The following ZBED1 variants were observed in gnomAD, a reference collection of about 807,000 sequenced individuals.
ZBED1 encodes E3 SUMO-protein ligase ZBED1.
ZBED1 carries 19 observed loss-of-function variants against 49.7 expected under a neutral mutation model. The observed-to-expected ratio is 0.38, with a 90% CI of 0.27 to 0.56. The LOEUF is 0.56. ZBED1 is among the 20% of genes least tolerant of loss of function. ZBED1 has a pLI of 0.70. For synonymous variants in ZBED1, 439 were observed against 440.3 expected (o/e 1.00, Z 0.04); for missense variants, 806 against 972.6 (o/e 0.83, Z 2.28).
intron 1 of ZBED1, among the ~76,000 whole-genome samples, chrX:2,497,897 A>C (rs2045321509): frequency 6.6e-6 from 1 of 152,216 alleles, no homozygotes; most frequent in Non-Finnish European, 1.5e-5. Context: ...TTAGGATATT[A>C]AATGCACTGA....
intron 1 of ZBED1, among the ~76,000 whole-genome samples, chrX:2,499,302 G>T (rs1200938705): frequency 3.3e-5 from 5 of 152,096 alleles, no homozygotes; most frequent in Non-Finnish European, 7.4e-5. Flanking sequence ...TCTTAGGCTG[G>T]ACATTTAAGA....
chrX:2,491,071 T>G (rs1701746151), intron 1 of ZBED1, among the ~76,000 whole-genome samples: 1 of 120,836 alleles, frequency 8.3e-6, no homozygotes, highest in African/African-American at 3.1e-5. Flanking sequence ...CTTTAGTTTT[T>G]TTTTTTTTTT....
Position 2,489,026 on chromosome X carries a change from T to C in ZBED1, c.1694A>G (p.His565Arg). 1 of 1,613,204 alleles carries C rather than the reference T, an allele frequency of 6.2e-7. No individual in the cohort carries two copies. The change falls in exon 2 of 2, where the codon CAT (histidine) becomes CGT (arginine). Residue 565 changes from histidine (H) to arginine (R), a missense_variant. Transcript: ENST00000652001. ...GCTCAGCTCCTCCACCACCTGGGCA[T>C]GCCACTCTTCCTGGTCCTCCACGCC... ...TGGVEDQEEW[H>R]AQVVEELSNF... is the part of the protein sequence containing the mutation.
chrX:2,497,584 C>T (rs1029083816), intron 1 of ZBED1, among the ~76,000 whole-genome samples: 2 of 152,068 alleles, frequency 1.3e-5, no homozygotes, highest in African/African-American at 4.8e-5. Context: ...TTTGTAAATA[C>T]TCACTCCTGT....
At chrX:2,495,824 G>A (rs1303338287) in intron 1 of ZBED1, among the ~76,000 whole-genome samples, 2 of 152,066 alleles carry the variant, frequency 1.3e-5, no homozygotes, top group African/African-American at 2.4e-5. Flanking sequence ...GGGGGCCGGC[G>A]ATTTCACGTT....
intron 1 of ZBED1, among the ~76,000 whole-genome samples, chrX:2,491,163 G>A (rs1450897593): frequency 2.8e-5 from 4 of 144,176 alleles, no homozygotes; most frequent in Non-Finnish European, 6.0e-5. Context: ...TCCGCCTCCC[G>A]GGTTCAAGCG....
chrX:2,499,062 G>A (rs1246050704), intron 1 of ZBED1, among the ~76,000 whole-genome samples: 1 of 152,182 alleles, frequency 6.6e-6, no homozygotes, highest in Non-Finnish European at 1.5e-5. Context: ...GCGGGAGAGA[G>A]AGGCTCATTT....
At chrX:2,496,949 GT>G (rs749698372) in intron 1 of ZBED1, among the ~76,000 whole-genome samples, 136 of 150,978 alleles carry the variant, frequency 9.0e-4, no homozygotes, top group African/African-American at 3.2e-3. Context: ...TATGTAACAT[GT>G]AATTGGCCTG....
chrX:2,492,877 T>A lies in ZBED1; in HGVS notation c.-53-2105A>T, dbSNP rs773845063. ...AAGCCCTCCGGTTTCTGGTACTTTA[T>A]TAAAGCAAGGTATTCTGAAGGTTAA... On this transcript the variant is annotated intron_variant, in intron 1 of 1. Coordinates refer to ENST00000652001, the MANE Select transcript of ZBED1 (RefSeq NM_001171136.2). Among the ~76,000 whole-genome samples the A allele has an allele frequency of 4.6e-5, 7 of 152,372 alleles. No homozygotes were observed. In the East Asian group the frequency reaches 1.3e-3, roughly 29 times the overall value.
intron 1 of ZBED1, 23 bp from the exon 2 acceptor site, chrX:2,490,795 C>A: frequency 6.5e-7 from 1 of 1,550,094 alleles, no homozygotes. Flanking sequence ...AAGACAAACA[C>A]AGCATGAGAA....
At chrX:2,491,434 C>A (rs1182697343) in intron 1 of ZBED1, among the ~76,000 whole-genome samples, 1 of 152,128 alleles carries the variant, frequency 6.6e-6, no homozygotes, top group Admixed American at 6.6e-5. Flanking sequence ...AAGCACCTGC[C>A]ACGTGGGAAA....
rs2045067577 is a variant in ZBED1, at chrX:2,489,624, C to T, written c.1096G>A (p.Glu366Lys). 1.2e-6 allele frequency: 2 copies of T among 1,612,646 alleles called. No individual in the cohort carries two copies. The highest frequency in any genetic ancestry group is 3.3e-5 in the Admixed American group (2 of 60,002). Reference sequence around the variant, plus strand: ...ACCCCGGCGATGACGAACTGCTGCTCCTTGAGGCGCTGCAGCATGGCCAGC... The same window carrying T: ...ACCCCGGCGATGACGAACTGCTGCTTCTTGAGGCGCTGCAGCATGGCCAGC... Reference protein sequence around the residue: ...STLAMLQRLKEQQFVIAGVLV... With the variant: ...STLAMLQRLKKQQFVIAGVLV... The change falls in exon 2 of 2, where the codon GAG (glutamate) becomes AAG (lysine). Residue 366 changes from glutamate (E) to lysine (K), a missense_variant. Glu to Lys is a moderately conservative substitution (Grantham distance 56). Transcript: ENST00000652001.
chrX:2,486,624 T>C lies in ZBED1; in HGVS notation c.*2011A>G, dbSNP rs2044938982. The C allele has an allele frequency of 6.6e-6, 1 of 152,176 alleles. No homozygotes were observed. The highest frequency in any genetic ancestry group is 2.4e-5 in the African/African-American group (1 of 41,434). The allele number at this position is 152,176 out of a possible 1,614,324, so 9.4% of individuals were successfully genotyped here. On this transcript the variant is annotated 3_prime_UTR_variant, in exon 2 of 2. Transcript: ENST00000652001. ...AGAGAACGCTGGCAATGCTACAGAA[T>C]GGAGCCCACGGAGGCGTGGGCTGCC...
At chrX:2,495,510 G>A (rs2045260297) in intron 1 of ZBED1, among the ~76,000 whole-genome samples, 1 of 152,118 alleles carries the variant, frequency 6.6e-6, no homozygotes, top group Non-Finnish European at 1.5e-5. Context: ...CCTGGAAGGA[G>A]AAACAAGAAG....
rs1157262974 is a variant in ZBED1, at chrX:2,489,596, A to G, written c.1124T>C (p.Leu375Ser). Residue 375 changes from leucine to serine, a missense_variant, in exon 2 of 2, where the codon TTG becomes TCG. Coordinates refer to ENST00000652001, the MANE Select transcript of ZBED1 (RefSeq NM_001171136.2). ...KEQQFVIAGVLVEDSNNHHLM... is the reference protein window; with the variant it reads ...KEQQFVIAGVSVEDSNNHHLM... ...GTGGTGGTTGTTGCTGTCCTCCACC[A>G]AGACCCCGGCGATGACGAACTGCTG... 1 of 1,612,550 alleles carries G rather than the reference A, an allele frequency of 6.2e-7. No individual in the cohort carries two copies. Among genetic ancestry groups the G allele is most frequent in the Non-Finnish European group, 8.5e-7 (1 of 1,179,814 alleles).
chrX:2,498,411 C>T (rs1333327013), intron 1 of ZBED1, among the ~76,000 whole-genome samples: 2 of 152,120 alleles, frequency 1.3e-5, no homozygotes, highest in Admixed American at 1.3e-4. Flanking sequence ...ACCAGCAGAC[C>T]AAGGACAACA....
At chrX:2,495,729 C>T (rs2045267571) in intron 1 of ZBED1, among the ~76,000 whole-genome samples, 1 of 152,074 alleles carries the variant, frequency 6.6e-6, no homozygotes, top group Non-Finnish European at 1.5e-5. Flanking sequence ...ACCAGCCTCT[C>T]ACTGCCTCAT....
rs1445007005 is a variant in ZBED1 at position 2,490,478 on chromosome X, C to T, written c.242G>A (p.Ser81Asn). ...GGCTTCACGCATCTGCTCCGTGTTG[C>T]TCTTGACGAACTCGCAGAATTCCTC... is the stretch of plus-strand genomic sequence containing the variant. ...HPEEFCEFVKSNTEQMREAFA... is the reference protein window; with the variant it reads ...HPEEFCEFVKNNTEQMREAFA... Residue 81 changes from serine (S) to asparagine (N), a missense_variant, in exon 2 of 2, where the codon AGC (serine) becomes AAC (asparagine). Coordinates refer to ENST00000652001, the MANE Select transcript of ZBED1 (RefSeq NM_001171136.2). 6.2e-7 allele frequency: 1 copy of T among 1,613,888 alleles called. No homozygotes were observed. Among genetic ancestry groups the T allele is most frequent in the Non-Finnish European group, 8.5e-7 (1 of 1,179,880 alleles).
Position 2,500,791 on chromosome X carries a change from C to T in ZBED1, c.-54+26G>A, listed in dbSNP as rs2045408367. 9.2e-6 allele frequency: 10 copies of T among 1,091,964 alleles called. No individual in the cohort carries two copies. The East Asian group carries it at 4.5e-4, about 49-fold the overall frequency. The allele number at this position is 1,091,964 out of a possible 1,614,324, so 67.6% of individuals were successfully genotyped here. A position where few individuals can be genotyped will look rare whatever the true frequency, so the allele number is the denominator to read the frequency against. On this transcript the variant is annotated intron_variant, in intron 1 of 1. Coordinates refer to ENST00000652001, the MANE Select transcript of ZBED1 (RefSeq NM_001171136.2). ...CCGCGCCCACCCGGGTCCCCGGAGC[C>T]CTGACCCCTGCCCCGCCCCGCTGAC...
Sources: gnomAD v4.1 joint callset for allele counts (sites outside exome capture counted in the v4.1 genomes callset) on GRCh38, gnomAD v4.1.1 for gene constraint, MANE v1.5 for transcripts, NCBI Gene and HGNC (gene_info 2026-07-23, HGNC 2026-07-21) for gene names.